HEATR1: variants seen among roughly 807,000 people sequenced by gnomAD.
HEATR1 encodes the protein HEAT repeat containing 1.
In HEATR1, 77 loss-of-function variants were observed where a neutral mutation model predicts 248.2. The ratio of observed to expected loss-of-function variants is 0.31; its 90% CI spans 0.26 to 0.37. The LOEUF is 0.37. Among genes scored for constraint, HEATR1 ranks in the 10% least tolerant of loss-of-function variants. The pLI is 1.00. For synonymous variants in HEATR1, 897 were observed against 923.1 expected (o/e 0.97, Z 0.51); for missense variants, 2,420 against 2,504.9 (o/e 0.97, Z 0.72).
chr1:236,556,622 AC>A (rs1314187671), intron 37 of HEATR1, among the ~76,000 whole-genome samples: 1 of 152,152 alleles, frequency 6.6e-6, no homozygotes, highest in Non-Finnish European at 1.5e-5. Flanking sequence ...CTACTTTTAA[AC>A]CCTGGCTGTG....
intron 28 of HEATR1, 117 bp from the exon 29 acceptor site, chr1:236,569,241 T>A: frequency 1.4e-6 from 1 of 731,710 alleles, no homozygotes; most frequent in Non-Finnish European, 2.1e-6. Flanking sequence ...AGTTGTGTGA[T>A]CACAGTTCAC....
At position 236,549,174 on chromosome 1, in the gene HEATR1, G is replaced by A. The variant is rs1280583619; in HGVS notation, c.*1728C>T. 1.3e-5 allele frequency: 5 copies of A among 393,674 alleles called. No individual in the cohort carries two copies. Among genetic ancestry groups the A allele is most frequent in the African/African-American group, 4.1e-5 (2 of 48,526 alleles). 24.4% of individuals were successfully genotyped at this position (393,674 alleles called of 1,614,324 possible). On this transcript the variant is annotated 3_prime_UTR_variant, in exon 45 of 45. Coordinates refer to ENST00000366582, the MANE Select transcript of HEATR1 (RefSeq NM_018072.6). Reference sequence around the variant, plus strand: ...CATGAAATCACCAATCAAGGCCTCCGTTCTTCTAAAGATTAGTCCATCATC... The same window carrying A: ...CATGAAATCACCAATCAAGGCCTCCATTCTTCTAAAGATTAGTCCATCATC...
Position 236,585,852 on chromosome 1 carries a change from T to G in HEATR1, c.2017A>C (p.Asn673His). The change falls in exon 16 of 45, where the codon AAT becomes CAT. Residue 673 changes from asparagine to histidine, a missense_variant. Coordinates refer to ENST00000366582, the MANE Select transcript of HEATR1 (RefSeq NM_018072.6). Reference sequence around the variant, plus strand: ...AACATTGAAGAAGGATCTCCTAAATTTATATTATCAGCCAACAACTCAATC... The same window carrying G: ...AACATTGAAGAAGGATCTCCTAAATGTATATTATCAGCCAACAACTCAATC... ...KMIELLADNI[N>H]LGDPSSMLKM... 6.2e-7 allele frequency: 1 copy of G among 1,612,996 alleles called. No homozygotes were observed. The highest frequency in any genetic ancestry group is 8.5e-7 in the Non-Finnish European group (1 of 1,179,200).
chr1:236,588,114 A>G, intron 12 of HEATR1, 71 bp from the exon 13 acceptor site: 1 of 1,192,648 alleles, frequency 8.4e-7, no homozygotes, highest in South Asian at 1.4e-5. Context: ...CTAGAAAGGA[A>G]GTATGGTTTT....
At chr1:236,603,702 CTT>C (rs1370188216) in intron 2 of HEATR1, among the ~76,000 whole-genome samples, 2 of 150,732 alleles carry the variant, frequency 1.3e-5, no homozygotes, top group East Asian at 3.9e-4. Context: ...CTGTTCTTCT[CTT>C]TGACATATTA....
chr1:236,575,647 C>A (rs1221924439), intron 22 of HEATR1, among the ~76,000 whole-genome samples: 4 of 152,164 alleles, frequency 2.6e-5, no homozygotes, highest in African/African-American at 9.7e-5. Context: ...GTTCTCTAAG[C>A]CCACAGTCAG....
chr1:236,568,009 A>C (rs1433773861), intron 29 of HEATR1, among the ~76,000 whole-genome samples: 3 of 152,246 alleles, frequency 2.0e-5, no homozygotes, highest in African/African-American at 7.2e-5. Context: ...ATGAATGAAT[A>C]AACCAATGTC....
Position 236,550,803 on chromosome 1 carries a change from A to G in HEATR1, c.*99T>C, listed in dbSNP as rs1662694877. 4 of 868,006 alleles carry G rather than the reference A, an allele frequency of 4.6e-6. No homozygotes were observed. In the South Asian group the frequency reaches 5.1e-5, roughly 11 times the overall value. The allele number at this position is 868,006 out of a possible 1,614,324, so 53.8% of individuals were successfully genotyped here. On this transcript the variant is annotated 3_prime_UTR_variant, in exon 45 of 45. Transcript: ENST00000366582. ...ATTTGTAAGTAATCCAAGTAGGTGT[A>G]TTAAGGCACCAAAAGTAACATGGCA...
In HEATR1 at chr1:236,599,498, C is replaced by A; in HGVS notation, c.486G>T (p.Trp162Cys). The A allele has an allele frequency of 1.2e-6, 2 of 1,612,984 alleles. No homozygotes were observed. The highest frequency in any genetic ancestry group is 1.7e-6 in the Non-Finnish European group (2 of 1,179,452). ...GCAATTATACCTTAACTGGCAACAA[C>A]CAGAACCATCTGTGCTTTGAATTAT... ...KINNSKHRWF[W>C]LLPVKQSGVP... Residue 162 changes from tryptophan (W) to cysteine (C), a missense_variant, in exon 4 of 45, where the codon TGG (tryptophan) becomes TGT (cysteine). Coordinates refer to ENST00000366582, the MANE Select transcript of HEATR1 (RefSeq NM_018072.6).
chr1:236,570,202 T>C (rs540557555), intron 28 of HEATR1, among the ~76,000 whole-genome samples: 2 of 152,150 alleles, frequency 1.3e-5, no homozygotes, highest in Non-Finnish European at 2.9e-5. Context: ...GGCAGGAGAA[T>C]GGCATGAACC....
At chr1:236,598,724 C>G (rs1664240154) in intron 4 of HEATR1, among the ~76,000 whole-genome samples, 1 of 152,152 alleles carries the variant, frequency 6.6e-6, no homozygotes, top group African/African-American at 2.4e-5. Context: ...ACACTGACCC[C>G]ACTACCATCA....
chr1:236,602,834 G>A (rs1664361631), intron 3 of HEATR1: 1 of 209,008 alleles, frequency 4.8e-6, no homozygotes, highest in African/African-American at 2.3e-5. Context: ...TGAGGTGGGA[G>A]AATCACTTGA....
At position 236,553,865 on chromosome 1, in the gene HEATR1, A is replaced by C. The variant is rs1341517193; in HGVS notation, c.6079-126T>G. 4 of 946,420 alleles carry C rather than the reference A, an allele frequency of 4.2e-6. No homozygotes were observed. The East Asian group carries it at 1.0e-4, about 24-fold the overall frequency. The allele number at this position is 946,420 out of a possible 1,614,324, so 58.6% of individuals were successfully genotyped here. A position where few individuals can be genotyped will look rare whatever the true frequency, so the allele number is the denominator to read the frequency against. On this transcript the variant is annotated intron_variant, in intron 42 of 44. Coordinates refer to ENST00000366582, the MANE Select transcript of HEATR1 (RefSeq NM_018072.6). ...TTAGCAGGTTCAAAAACCAGGCATT[A>C]TTCTAATACTCTCTAGGGCAAATGT...
rs756477292 is a variant in HEATR1 at position 236,553,605 on chromosome 1, T to C, written c.6213A>G (p.Leu2071=). 2 of 1,613,922 alleles carry C rather than the reference T, an allele frequency of 1.2e-6. No individual in the cohort carries two copies. The highest frequency in any genetic ancestry group is 4.5e-5 in the East Asian group (2 of 44,866). The change falls in exon 43 of 45, where the codon CTA becomes CTG. Residue 2071 remains leucine, a synonymous_variant. Transcript: ENST00000366582. ...CCTTAGGCGAGGAGTCTCTCGTCTT[T>C]AGCAGAATCTGGTAGTTCAGTGGTT... is the stretch of plus-strand genomic sequence containing the variant. ...LWKPLNYQIL[L]KTRDSSPKVR... is the part of the protein sequence containing the mutation.
chr1:236,584,302 G>A (rs1161987115), intron 17 of HEATR1, among the ~76,000 whole-genome samples: 2 of 151,826 alleles, frequency 1.3e-5, no homozygotes, highest in African/African-American at 4.8e-5. Context: ...GTTAAGAAGG[G>A]CCTATCTGGA....
chr1:236,570,000 G>GCTA (rs1663379861), intron 28 of HEATR1, among the ~76,000 whole-genome samples: 1 of 152,110 alleles, frequency 6.6e-6, no homozygotes, highest in African/African-American at 2.4e-5. Context: ...AAAACATTAT[G>GCTA]CTAAGCAGCC....
chr1:236,579,390 C>A (rs573326119), intron 20 of HEATR1, among the ~76,000 whole-genome samples: 15 of 152,320 alleles, frequency 9.8e-5, no homozygotes, highest in Non-Finnish European at 2.2e-4. Context: ...ACATATATGA[C>A]TCAGAGGCCA....
At chr1:236,591,926 TG>T in intron 11 of HEATR1, 66 bp downstream of exon 11, 1 of 914,708 alleles carries the variant, frequency 1.1e-6, no homozygotes, top group Non-Finnish European at 1.7e-6. Context: ...AATTTCCTTC[TG>T]GAGCTCTTCA....
intron 24 of HEATR1, among the ~76,000 whole-genome samples, chr1:236,573,815 T>C (rs1663494239): frequency 6.6e-6 from 1 of 152,132 alleles, no homozygotes; most frequent in African/African-American, 2.4e-5. Flanking sequence ...ACAAGCAGAA[T>C]TTCAATTCCA....
Sources: allele counts gnomAD v4.1 joint callset (sites outside exome capture counted in the v4.1 genomes callset), GRCh38; gene constraint gnomAD v4.1.1; transcripts MANE v1.5; gene names NCBI Gene and HGNC (gene_info 2026-07-23, HGNC 2026-07-21).